RANBP2: variants seen among roughly 807,000 people sequenced by gnomAD.
The protein encoded by RANBP2 is E3 SUMO-protein ligase RanBP2.
A neutral mutation model predicts 303.6 loss-of-function variants in RANBP2; 57 were observed. That is an observed-to-expected ratio of 0.19 (90% CI 0.15 to 0.23). The LOEUF (loss-of-function observed/expected upper bound fraction) is 0.23, where lower values mean the gene tolerates loss of function less well. Among genes scored for constraint, RANBP2 ranks in the 10% least tolerant of loss-of-function variants. RANBP2 has a pLI of 1.00. For missense variants in RANBP2, 3,138 were observed against 3,780.8 expected (o/e 0.83, Z 4.46); for synonymous variants, 1,167 against 1,301.5 (o/e 0.90, Z 2.23).
the RANBP2 span, among the ~76,000 whole-genome samples, chr2:109,435,019 G>T: frequency 6.6e-6 from 1 of 152,102 alleles, no homozygotes. Flanking sequence ...CCTCATGGTT[G>T]CTCACTCTCC....
At chr2:109,035,838 T>C in the RANBP2 span, among the ~76,000 whole-genome samples, 1 of 152,194 alleles carries the variant, frequency 6.6e-6, no homozygotes, top group Middle Eastern at 3.4e-3. Context: ...TAATTAAACT[T>C]CTTAACATCA....
At chr2:108,934,487 G>C in the RANBP2 span, among the ~76,000 whole-genome samples, 1 of 152,244 alleles carries the variant, frequency 6.6e-6, no homozygotes, top group Non-Finnish European at 1.5e-5. Flanking sequence ...ATTTGTGACA[G>C]TGATGGGGAG....
chr2:109,376,951 A>T, the RANBP2 span, among the ~76,000 whole-genome samples: 1 of 152,232 alleles, frequency 6.6e-6, no homozygotes, highest in South Asian at 2.1e-4. Flanking sequence ...ACAGACAGAG[A>T]TGGGGTGCGG....
chr2:109,565,350 T>C, the RANBP2 span, among the ~76,000 whole-genome samples: 1 of 152,144 alleles, frequency 6.6e-6, no homozygotes, highest in Non-Finnish European at 1.5e-5. Context: ...AAATGTCAAG[T>C]AGATTTAACT....
chr2:109,292,370 A>G, the RANBP2 span, among the ~76,000 whole-genome samples: 2 of 152,338 alleles, frequency 1.3e-5, no homozygotes, highest in East Asian at 3.9e-4. Context: ...TCATATAAAC[A>G]TGAAGTTTTG....
the RANBP2 span, among the ~76,000 whole-genome samples, chr2:108,866,630 A>G: frequency 6.6e-6 from 1 of 152,218 alleles, no homozygotes; most frequent in African/African-American, 2.4e-5. Context: ...CATGCCTGTA[A>G]TCCCAGCACT....
chr2:108,827,542 C>T, the RANBP2 span, among the ~76,000 whole-genome samples: 18 of 152,144 alleles, frequency 1.2e-4, no homozygotes, highest in South Asian at 3.1e-3. Flanking sequence ...TTTGGCTGGG[C>T]GCAGTGGCTC....
At chr2:109,608,165 T>C in the RANBP2 span, among the ~76,000 whole-genome samples, 5 of 152,212 alleles carry the variant, frequency 3.3e-5, no homozygotes, top group African/African-American at 1.2e-4. Context: ...AATTCTGGAC[T>C]AATTTAGAGC....
the RANBP2 span, among the ~76,000 whole-genome samples, chr2:108,854,067 T>A: frequency 8.2e-6 from 1 of 121,354 alleles, no homozygotes; most frequent in Non-Finnish European, 1.6e-5. Flanking sequence ...TATATATATT[T>A]TATATATAAT....
rs5833302 is a variant in RANBP2, at chr2:108,774,704, CT to C, written c.8293-1014del. Among the ~76,000 whole-genome samples the C allele has an allele frequency of 2.6e-3, 357 of 138,064 alleles. 1 individual carries two copies. The highest frequency in any genetic ancestry group is 3.2e-3 in the Non-Finnish European group (207 of 63,954). 90.6% of individuals were successfully genotyped at this position (138,064 alleles called of 152,430 possible). ...GGATTTTGCACTTTTTTTCTAGTTT[CT>C]TTTTTTTTTTTTTGGCTTTTGAGAC... On this transcript the variant is annotated intron_variant, in intron 23 of 28. Coordinates refer to ENST00000283195, the MANE Select transcript of RANBP2 (RefSeq NM_006267.5).
chr2:109,296,085 GC>G, the RANBP2 span, among the ~76,000 whole-genome samples: 1 of 151,992 alleles, frequency 6.6e-6, no homozygotes, highest in Non-Finnish European at 1.5e-5. Context: ...AGCCAGGTTG[GC>G]CCCCCAGAAG....
At chr2:109,728,454 T>A in the RANBP2 span, among the ~76,000 whole-genome samples, 1 of 151,808 alleles carries the variant, frequency 6.6e-6, no homozygotes, top group Non-Finnish European at 1.5e-5. Flanking sequence ...TTTTAAAAAA[T>A]TTATTTTTTT....
the RANBP2 span, among the ~76,000 whole-genome samples, chr2:109,400,619 TACAC>T: frequency 3.9e-4 from 59 of 151,992 alleles, no homozygotes; most frequent in Middle Eastern, 3.4e-3. Context: ...CCCTTCCACA[TACAC>T]ACCCACACAT....
At chr2:108,731,960 A>T (rs1447681172) in intron 4 of RANBP2, 10 of 164,992 alleles carry the variant, frequency 6.1e-5, no homozygotes, top group Non-Finnish European at 2.6e-5. Flanking sequence ...AATGGTAGGA[A>T]GTTCTTGCTA....
chr2:109,007,573 T>C, the RANBP2 span, among the ~76,000 whole-genome samples: 7 of 152,284 alleles, frequency 4.6e-5, 1 homozygote, highest in Middle Eastern at 0.01. Flanking sequence ...TCCACAGATA[T>C]CAGGAGCAGA....
the RANBP2 span, among the ~76,000 whole-genome samples, chr2:109,399,254 A>G: frequency 0.54 from 82,509 of 151,956 alleles, 23,161 homozygotes; most frequent in African/African-American, 0.67. Context: ...GTCGGCTTCC[A>G]GATGTCTGAT....
At chr2:109,514,282 G>A in the RANBP2 span, among the ~76,000 whole-genome samples, 2 of 152,194 alleles carry the variant, frequency 1.3e-5, no homozygotes, top group Admixed American at 6.5e-5. Flanking sequence ...CTCTGAGCTG[G>A]TAAATACGGA....
chr2:109,727,658 GA>G, the RANBP2 span, among the ~76,000 whole-genome samples: 1 of 152,196 alleles, frequency 6.6e-6, no homozygotes, highest in African/African-American at 2.4e-5. Flanking sequence ...CACATCTGAT[GA>G]TGCCCTGGGG....
chr2:108,919,036 G>A, the RANBP2 span, among the ~76,000 whole-genome samples: 1 of 152,110 alleles, frequency 6.6e-6, no homozygotes, highest in African/African-American at 2.4e-5. Context: ...ACTGGGACCC[G>A]CTGTGTCAGA....
Sources: allele counts gnomAD v4.1 joint callset (sites outside exome capture counted in the v4.1 genomes callset), GRCh38; gene constraint gnomAD v4.1.1; transcripts MANE v1.5; gene names NCBI Gene and HGNC (gene_info 2026-07-23, HGNC 2026-07-21).